Variants in FECH observed in about 807,000 individuals in gnomAD.
FECH encodes the protein ferrochelatase, mitochondrial.
A neutral mutation model predicts 56.9 loss-of-function variants in FECH; 40 were observed. The observed-to-expected ratio is 0.70, with a 90% CI of 0.55 to 0.92. FECH has a LOEUF of 0.92. Among genes scored for constraint, FECH ranks in the 40% least tolerant of loss-of-function variants. FECH has a pLI of 0.00. For synonymous variants in FECH, 175 were observed against 198.6 expected (o/e 0.88, Z 1.00); for missense variants, 431 against 529.1 (o/e 0.81, Z 1.82).
rs1427811931 is a variant in FECH, at chr18:57,547,854, T to G, written c.*2858A>C. On this transcript the variant is annotated 3_prime_UTR_variant, in exon 11 of 11. Coordinates refer to ENST00000262093, the MANE Select transcript of FECH (RefSeq NM_000140.5). ...TCTCCCTATGTTGCCCAGGCTGGTCTTGAACTCTTGGGATCAAGCAATCCT... is the reference window on the plus strand; with the variant it reads ...TCTCCCTATGTTGCCCAGGCTGGTCGTGAACTCTTGGGATCAAGCAATCCT... 6.6e-6 allele frequency among the ~76,000 whole-genome samples: 1 copy of G among 152,176 alleles called. No homozygotes were observed. Among genetic ancestry groups the G allele is most frequent in the African/African-American group, 2.4e-5 (1 of 41,444 alleles).
At chr18:57,565,152 T>A (rs190599997) in intron 5 of FECH, among the ~76,000 whole-genome samples, 62 of 152,350 alleles carry the variant, frequency 4.1e-4, no homozygotes, top group African/African-American at 1.2e-3. Flanking sequence ...AATAACAATC[T>A]TCTTAATTTA....
intron 4 of FECH, among the ~76,000 whole-genome samples, chr18:57,570,248 T>G (rs957778453): frequency 4.6e-5 from 7 of 152,066 alleles, no homozygotes; most frequent in Admixed American, 3.9e-4. Context: ...TGTTCTCTAG[T>G]AAGTAGGTGT....
intron 2 of FECH, among the ~76,000 whole-genome samples, chr18:57,574,687 G>T (rs2051159696): frequency 6.6e-6 from 1 of 152,270 alleles, no homozygotes; most frequent in Non-Finnish European, 1.5e-5. Flanking sequence ...GCAGGACCAG[G>T]TGCCTCTGGC....
rs2050733588 is a variant in FECH, at chr18:57,547,396, G to A, written c.*3316C>T. Among the ~76,000 whole-genome samples the A allele has an allele frequency of 6.6e-6, 1 of 152,114 alleles. No individual in the cohort carries two copies. The highest frequency in any genetic ancestry group is 2.1e-4 in the South Asian group (1 of 4,822). ...CACGTGTTGAGGGAGGGACCTGGTGGAAGGAGATTGGAACATGGAGACAGT... is the reference window on the plus strand; with the variant it reads ...CACGTGTTGAGGGAGGGACCTGGTGAAAGGAGATTGGAACATGGAGACAGT... On this transcript the variant is annotated 3_prime_UTR_variant, in exon 11 of 11. Transcript: ENST00000262093.
At chr18:57,552,044 C>T (rs1217847900) in intron 9 of FECH, among the ~76,000 whole-genome samples, 1 of 151,806 alleles carries the variant, frequency 6.6e-6, no homozygotes, top group Non-Finnish European at 1.5e-5. Context: ...CCACCATGCC[C>T]AGCTAATTTT....
At chr18:57,560,663 A>C (rs1171287058) in intron 6 of FECH, among the ~76,000 whole-genome samples, 2 of 152,158 alleles carry the variant, frequency 1.3e-5, no homozygotes, top group Non-Finnish European at 2.9e-5. Flanking sequence ...AATAATAATA[A>C]TACAGTAATA....
At chr18:57,562,012 A>G (rs750033505) in intron 6 of FECH, among the ~76,000 whole-genome samples, 7 of 152,206 alleles carry the variant, frequency 4.6e-5, no homozygotes, top group Non-Finnish European at 7.3e-5. Context: ...CCTGATTTCA[A>G]TGATGTCTAG....
chr18:57,565,073 T>C (rs989858272), intron 5 of FECH, among the ~76,000 whole-genome samples: 15 of 152,200 alleles, frequency 9.9e-5, no homozygotes, highest in Non-Finnish European at 7.3e-5. Flanking sequence ...TACAGTGAAG[T>C]TTTGCATACA....
intron 1 of FECH, among the ~76,000 whole-genome samples, chr18:57,583,726 C>A (rs966356110): frequency 6.6e-6 from 1 of 152,028 alleles, no homozygotes; most frequent in Non-Finnish European, 1.5e-5. Context: ...TTTGGGAGGC[C>A]GAGGCGGGAG....
chr18:57,562,729 A>G, intron 6 of FECH, 145 bp downstream of exon 6: 1 of 674,766 alleles, frequency 1.5e-6, no homozygotes, highest in Non-Finnish European at 2.7e-6. Context: ...TAAATCAAGA[A>G]TATAATACTT....
At chr18:57,552,651 C>G (rs1319885658) in intron 9 of FECH, among the ~76,000 whole-genome samples, 2 of 152,100 alleles carry the variant, frequency 1.3e-5, no homozygotes, top group Non-Finnish European at 2.9e-5. Flanking sequence ...CCACCTGCCT[C>G]GGATTCCCAA....
intron 7 of FECH, among the ~76,000 whole-genome samples, chr18:57,557,625 G>A (rs113670186): frequency 1.8e-4 from 28 of 152,208 alleles, no homozygotes; most frequent in South Asian, 1.2e-3. Context: ...GGGAAACCCC[G>A]TCTCTACTAA....
At chr18:57,579,273 A>ATGTGTGTATATCTATATATATG (rs1555681593) in intron 2 of FECH, among the ~76,000 whole-genome samples, 4,671 of 124,036 alleles carry the variant, frequency 0.038, 302 homozygotes, top group African/African-American at 0.14. Flanking sequence ...ATATATATAT[A>ATGTGTGTATATCTATATATATG]TGTGTGTGTG....
rs898164730 is a variant in FECH, at chr18:57,579,974, T to C, written c.194+99A>G. The stretch of plus-strand genomic sequence containing the variant: ...GCCAAGAAAATAGCTCCTTCCACAC[T>C]GGCTTTTCCCAGCACCTTTCCTCCC... On this transcript the variant is annotated intron_variant, in intron 2 of 10. Coordinates refer to ENST00000262093, the MANE Select transcript of FECH (RefSeq NM_000140.5). 1.6e-5 allele frequency: 24 copies of C among 1,540,084 alleles called. No homozygotes were observed. The African/African-American group carries it at 3.0e-4, about 19-fold the overall frequency.
intron 7 of FECH, 77 bp from the exon 8 acceptor site, chr18:57,555,029 A>G (rs2122251751): frequency 8.9e-7 from 1 of 1,118,876 alleles, no homozygotes; most frequent in Non-Finnish European, 1.4e-6. Flanking sequence ...GTGCTGACAC[A>G]GTGTGAGCCC....
chr18:57,575,190 T>C (rs577044701), intron 2 of FECH, among the ~76,000 whole-genome samples: 1 of 152,320 alleles, frequency 6.6e-6, no homozygotes, highest in Non-Finnish European at 1.5e-5. Flanking sequence ...TTCACTCCTC[T>C]TTATTGCTAA....
chr18:57,574,523 G>C (rs2122334410), intron 2 of FECH, among the ~76,000 whole-genome samples: 1 of 152,324 alleles, frequency 6.6e-6, no homozygotes, highest in African/African-American at 2.4e-5. Flanking sequence ...CAAGTTTTAG[G>C]TCAAGCAGCT....
At chr18:57,560,705 C>T (rs1260598939) in intron 6 of FECH, among the ~76,000 whole-genome samples, 1 of 152,126 alleles carries the variant, frequency 6.6e-6, no homozygotes, top group Non-Finnish European at 1.5e-5. Flanking sequence ...GTTCCTTATA[C>T]TATTCTTAAT....
intron 9 of FECH, among the ~76,000 whole-genome samples, chr18:57,552,556 A>G (rs2050813662): frequency 6.6e-6 from 1 of 151,684 alleles, no homozygotes; most frequent in South Asian, 2.1e-4. Flanking sequence ...ACGTACCACC[A>G]CGCTTAGCTA....
Sources: gnomAD v4.1 joint callset for allele counts (sites outside exome capture counted in the v4.1 genomes callset) on GRCh38, gnomAD v4.1.1 for gene constraint, MANE v1.5 for transcripts, NCBI Gene and HGNC (gene_info 2026-07-23, HGNC 2026-07-21) for gene names.